SOX6: variants seen among roughly 807,000 people sequenced by gnomAD.
SOX6 encodes SRY-box transcription factor 6.
A neutral mutation model predicts 97.8 loss-of-function variants in SOX6; 11 were observed. The ratio of observed to expected loss-of-function variants is 0.11; its 90% CI spans 0.07 to 0.19. The LOEUF (loss-of-function observed/expected upper bound fraction) is 0.19, where lower values mean the gene tolerates loss of function less well. Ranked by LOEUF, SOX6 falls within the 10% of genes least tolerant of loss-of-function variation. The pLI, the probability that SOX6 is intolerant of heterozygous loss-of-function variation, is 1.00. For missense variants in SOX6, 810 were observed against 1,039.5 expected (o/e 0.78, Z 3.04); for synonymous variants, 360 against 371.4 (o/e 0.97, Z 0.35).
At chr11:16,412,061 T>C (rs1030063853) in intron 1 of SOX6, among the ~76,000 whole-genome samples, 2 of 152,172 alleles carry the variant, frequency 1.3e-5, no homozygotes, top group African/African-American at 4.8e-5. Context: ...TCAACTTCTT[T>C]CATTTATGAA....
chr11:16,143,528 A>G (rs1045157988), intron 6 of SOX6, among the ~76,000 whole-genome samples: 1 of 152,232 alleles, frequency 6.6e-6, no homozygotes, highest in Non-Finnish European at 1.5e-5. Flanking sequence ...AAATGGGCTA[A>G]AAGCTCCAAT....
At chr11:16,698,993 T>A (rs1489230989) in intron 3 of SOX6, among the ~76,000 whole-genome samples, 1 of 152,204 alleles carries the variant, frequency 6.6e-6, no homozygotes, top group Non-Finnish European at 1.5e-5. Flanking sequence ...GAGCATATAT[T>A]GTTAGAAAAA....
At chr11:16,387,676 A>C (rs1325535641) in intron 1 of SOX6, among the ~76,000 whole-genome samples, 1 of 152,136 alleles carries the variant, frequency 6.6e-6, no homozygotes, top group Non-Finnish European at 1.5e-5. Context: ...CTCTTAAAAA[A>C]TGATCACTCT....
intron 3 of SOX6, among the ~76,000 whole-genome samples, chr11:16,307,116 G>A (rs1182395478): frequency 6.6e-6 from 1 of 152,162 alleles, no homozygotes; most frequent in African/African-American, 2.4e-5. Flanking sequence ...GAAGAGTAAA[G>A]TAATATAAAA....
chr11:16,540,870 C>T (rs1405540933), intron 4 of SOX6, among the ~76,000 whole-genome samples: 1 of 152,094 alleles, frequency 6.6e-6, no homozygotes, highest in East Asian at 1.9e-4. Flanking sequence ...TAGGAAGAAT[C>T]AATATCGTGA....
chr11:16,124,114 T>G (rs1198036112), intron 6 of SOX6, among the ~76,000 whole-genome samples: 1 of 152,094 alleles, frequency 6.6e-6, no homozygotes, highest in Non-Finnish European at 1.5e-5. Flanking sequence ...CAAACATAAA[T>G]TTCCCTCTGT....
chr11:16,244,943 C>G (rs1205479939), intron 3 of SOX6, among the ~76,000 whole-genome samples: 1 of 151,698 alleles, frequency 6.6e-6, no homozygotes, highest in African/African-American at 2.4e-5. Context: ...ACGCTAGGTC[C>G]TTTGCATTTT....
At chr11:16,025,194 A>G (rs929589233) in intron 12 of SOX6, among the ~76,000 whole-genome samples, 5 of 152,212 alleles carry the variant, frequency 3.3e-5, no homozygotes, top group African/African-American at 1.2e-4. Context: ...TAAAGTGTTC[A>G]GATTTAAGCA....
At chr11:16,377,882 G>A (rs1381414184) in intron 1 of SOX6, among the ~76,000 whole-genome samples, 4 of 152,140 alleles carry the variant, frequency 2.6e-5, no homozygotes, top group Non-Finnish European at 5.9e-5. Context: ...CTTACCATGA[G>A]GAGACAAATA....
At chr11:16,071,940 G>C (rs936197483) in intron 9 of SOX6, among the ~76,000 whole-genome samples, 1 of 151,542 alleles carries the variant, frequency 6.6e-6, no homozygotes, top group Non-Finnish European at 1.5e-5. Context: ...ACATTCAAAG[G>C]ATAGCAGCTT....
intron 4 of SOX6, among the ~76,000 whole-genome samples, chr11:16,202,012 A>C (rs1851954782): frequency 6.6e-6 from 1 of 152,110 alleles, no homozygotes; most frequent in South Asian, 2.1e-4. Context: ...AGTGACTCCC[A>C]ATTAAGGATA....
chr11:16,655,505 G>T (rs1283626960), intron 3 of SOX6, among the ~76,000 whole-genome samples: 1 of 152,180 alleles, frequency 6.6e-6, no homozygotes, highest in African/African-American at 2.4e-5. Context: ...CAAAAATTGA[G>T]CCTGAGTTCT....
chr11:15,997,304 T>C (rs563373934), intron 13 of SOX6, among the ~76,000 whole-genome samples: 36 of 152,074 alleles, frequency 2.4e-4, no homozygotes, highest in Non-Finnish European at 3.7e-4. Context: ...TTCAAACATT[T>C]AAGGAAAATA....
intron 6 of SOX6, among the ~76,000 whole-genome samples, chr11:16,145,858 A>G (rs1410180873): frequency 1.3e-5 from 2 of 152,220 alleles, no homozygotes; most frequent in African/African-American, 4.8e-5. Context: ...AAGAGGACAC[A>G]AACAAATGGA....
chr11:16,039,163 T>A (rs933971635), intron 12 of SOX6, among the ~76,000 whole-genome samples: 1 of 152,116 alleles, frequency 6.6e-6, no homozygotes, highest in Non-Finnish European at 1.5e-5. Context: ...CTATCCTTAA[T>A]TTTTATTTCC....
At chr11:16,176,552 C>T (rs1851192275) in intron 6 of SOX6, among the ~76,000 whole-genome samples, 1 of 151,790 alleles carries the variant, frequency 6.6e-6, no homozygotes, top group Non-Finnish European at 1.5e-5. Flanking sequence ...AAAGAGTCAC[C>T]CAGCCATATA....
intron 6 of SOX6, among the ~76,000 whole-genome samples, chr11:16,129,807 C>A (rs1369108275): frequency 6.6e-6 from 1 of 152,042 alleles, no homozygotes; most frequent in Non-Finnish European, 1.5e-5. Flanking sequence ...CTTCCTCAAT[C>A]TGATTAAAAG....
At chr11:16,201,495 T>A (rs1340962360) in intron 4 of SOX6, among the ~76,000 whole-genome samples, 3 of 150,480 alleles carry the variant, frequency 2.0e-5, no homozygotes, top group African/African-American at 7.3e-5. Context: ...TAAACAAATA[T>A]ATAAATGTAT....
At chr11:16,476,056 G>A (rs186652032) in intron 1 of SOX6, among the ~76,000 whole-genome samples, 23 of 152,250 alleles carry the variant, frequency 1.5e-4, no homozygotes, top group Admixed American at 1.4e-3. Context: ...CAAAGAGTAA[G>A]ATAGTTATTC....
Sources: allele counts gnomAD v4.1 joint callset (sites outside exome capture counted in the v4.1 genomes callset), GRCh38; gene constraint gnomAD v4.1.1; transcripts MANE v1.5; gene names NCBI Gene and HGNC (gene_info 2026-07-23, HGNC 2026-07-21).